The following BTBD9 variants were observed in gnomAD, a reference collection of about 807,000 sequenced individuals.
The protein encoded by BTBD9 is BTB/POZ domain-containing protein 9.
BTBD9 carries 49 observed loss-of-function variants against 64.3 expected under a neutral mutation model. The ratio of observed to expected loss-of-function variants is 0.76; its 90% CI spans 0.61 to 0.97. The LOEUF is 0.97. Ranked by LOEUF, BTBD9 falls within the 50% of genes least tolerant of loss-of-function variation. The probability of loss-of-function intolerance (pLI) is 0.00; values close to 1 mark genes in which losing one functional copy is unlikely to be tolerated. For missense variants in BTBD9, 598 were observed against 762.1 expected (o/e 0.78, Z 2.53); for synonymous variants, 260 against 274.7 (o/e 0.95, Z 0.53).
Position 38,628,198 on chromosome 6 carries a change from T to C in BTBD9, c.-28+11602A>G, listed in dbSNP as rs145454930. On this transcript the variant is annotated intron_variant, in intron 1 of 10. Coordinates refer to ENST00000481247, the MANE Select transcript of BTBD9 (RefSeq NM_001099272.2). ...ATTTCACATACTCAAAAAAGGACAA[T>C]AAATAAAATGAAAAATAGAGAGAGG... Among the ~76,000 whole-genome samples, 311 of 152,042 alleles carry C rather than the reference T, an allele frequency of 2.0e-3. 2 individuals are homozygous for C. Among genetic ancestry groups the C allele is most frequent in the African/African-American group, 7.2e-3 (298 of 41,462 alleles).
intron 6 of BTBD9, among the ~76,000 whole-genome samples, chr6:38,536,504 A>G (rs1276241432): frequency 6.6e-6 from 1 of 152,182 alleles, no homozygotes; most frequent in Non-Finnish European, 1.5e-5. Context: ...GGAAATCAGT[A>G]TATCAGAGAG....
intron 6 of BTBD9, among the ~76,000 whole-genome samples, chr6:38,451,206 G>A (rs143048235): frequency 4.3e-4 from 65 of 152,182 alleles, no homozygotes; most frequent in African/African-American, 1.5e-3. Flanking sequence ...ATACTTTGAG[G>A]GAAGGATCTC....
At chr6:38,502,918 G>A (rs1407384277) in intron 6 of BTBD9, among the ~76,000 whole-genome samples, 2 of 152,116 alleles carry the variant, frequency 1.3e-5, no homozygotes, top group African/African-American at 4.8e-5. Flanking sequence ...ACTCTGAAAG[G>A]GAAAACAGGT....
At chr6:38,209,075 G>C (rs1003076771) in intron 9 of BTBD9, among the ~76,000 whole-genome samples, 8 of 152,208 alleles carry the variant, frequency 5.3e-5, no homozygotes, top group Non-Finnish European at 1.2e-4. Flanking sequence ...CAGCAAAACA[G>C]AGATGCCTCC....
intron 9 of BTBD9, among the ~76,000 whole-genome samples, chr6:38,195,097 T>C (rs1762230756): frequency 6.6e-6 from 1 of 152,214 alleles, no homozygotes; most frequent in African/African-American, 2.4e-5. Flanking sequence ...GAAATGAGCA[T>C]CTGTCTCCCC....
At chr6:38,543,476 C>T (rs1774380649) in intron 6 of BTBD9, among the ~76,000 whole-genome samples, 1 of 152,204 alleles carries the variant, frequency 6.6e-6, no homozygotes, top group African/African-American at 2.4e-5. Context: ...GTCAAATAAA[C>T]AATGCACTAC....
At chr6:38,329,414 C>T (rs919668513) in intron 7 of BTBD9, among the ~76,000 whole-genome samples, 1 of 151,310 alleles carries the variant, frequency 6.6e-6, no homozygotes, top group African/African-American at 2.4e-5. Flanking sequence ...CCTCCGCCTC[C>T]TGGTTTCAAA....
chr6:38,443,146 A>C (rs1026948661), intron 6 of BTBD9, among the ~76,000 whole-genome samples: 1 of 152,234 alleles, frequency 6.6e-6, no homozygotes, highest in Non-Finnish European at 1.5e-5. Context: ...GAACAATTTA[A>C]CAAACAAAGC....
At chr6:38,220,724 G>A (rs1383119969) in intron 9 of BTBD9, among the ~76,000 whole-genome samples, 1 of 152,218 alleles carries the variant, frequency 6.6e-6, no homozygotes, top group African/African-American at 2.4e-5. Context: ...CAACACAAGA[G>A]CCATACACTA....
At chr6:38,392,997 C>T (rs374303359) in intron 6 of BTBD9, among the ~76,000 whole-genome samples, 10 of 151,766 alleles carry the variant, frequency 6.6e-5, no homozygotes, top group South Asian at 6.2e-4. Flanking sequence ...GCCTCAGGCT[C>T]CTGAGTAGCT....
intron 2 of BTBD9, 97 bp from the exon 3 acceptor site, chr6:38,594,424 T>A: frequency 1.4e-6 from 2 of 1,386,890 alleles, no homozygotes; most frequent in Non-Finnish European, 1.9e-6. Flanking sequence ...AAATATAAAT[T>A]TTTTTAATGA....
intron 7 of BTBD9, among the ~76,000 whole-genome samples, chr6:38,302,485 G>GTGTGTATA (rs1554137022): frequency 2.8e-5 from 3 of 106,908 alleles, no homozygotes; most frequent in African/African-American, 1.1e-4. Context: ...TTGTGTGTAT[G>GTGTGTATA]TATATATATA....
At chr6:38,189,801 G>A (rs1761977990) in intron 10 of BTBD9, among the ~76,000 whole-genome samples, 2 of 151,794 alleles carry the variant, frequency 1.3e-5, no homozygotes, top group South Asian at 4.2e-4. Context: ...AGCCTCCCAT[G>A]TAGCTGGGAT....
At chr6:38,623,060 G>A (rs531797305) in intron 1 of BTBD9, among the ~76,000 whole-genome samples, 5 of 152,266 alleles carry the variant, frequency 3.3e-5, no homozygotes, top group East Asian at 3.9e-4. Context: ...GCCACTCACC[G>A]GGGCTACCTT....
intron 10 of BTBD9, among the ~76,000 whole-genome samples, chr6:38,181,362 G>C (rs1419121925): frequency 1.3e-5 from 2 of 152,102 alleles, no homozygotes; most frequent in Non-Finnish European, 2.9e-5. Flanking sequence ...TTATAAAATA[G>C]ATATCTACCT....
chr6:38,259,556 C>T (rs942240180), intron 8 of BTBD9, among the ~76,000 whole-genome samples: 2 of 152,160 alleles, frequency 1.3e-5, no homozygotes, highest in Admixed American at 6.5e-5. Flanking sequence ...GCACACACTA[C>T]CACACCCAGC....
At chr6:38,578,146 C>G (rs1776136640) in intron 5 of BTBD9, among the ~76,000 whole-genome samples, 1 of 152,084 alleles carries the variant, frequency 6.6e-6, no homozygotes, top group Admixed American at 6.5e-5. Context: ...CTCCCTCTAC[C>G]TTCCCTGGCC....
intron 6 of BTBD9, among the ~76,000 whole-genome samples, chr6:38,351,966 TA>T (rs1481304442): frequency 1.3e-5 from 2 of 152,222 alleles, no homozygotes; most frequent in Non-Finnish European, 2.9e-5. Flanking sequence ...ATAAATCATA[TA>T]AAAATGACAT....
chr6:38,294,282 C>T (rs982629464), intron 7 of BTBD9, among the ~76,000 whole-genome samples: 3 of 152,104 alleles, frequency 2.0e-5, no homozygotes, highest in African/African-American at 7.2e-5. Flanking sequence ...AATCTAGAAC[C>T]AGAAATACCA....
Sources: gnomAD v4.1 joint callset for allele counts (sites outside exome capture counted in the v4.1 genomes callset) on GRCh38, gnomAD v4.1.1 for gene constraint, MANE v1.5 for transcripts, NCBI Gene and HGNC (gene_info 2026-07-23, HGNC 2026-07-21) for gene names.